Variants in RFX1 observed in about 807,000 individuals in gnomAD.
RFX1 encodes MHC class II regulatory factor RFX1.
RFX1 carries 42 observed loss-of-function variants against 119.6 expected under a neutral mutation model. That is an observed-to-expected ratio of 0.35 (90% CI 0.27 to 0.45). RFX1 has a LOEUF of 0.45. Ranked by LOEUF, RFX1 falls within the 20% of genes least tolerant of loss-of-function variation. The probability of loss-of-function intolerance (pLI) is 1.00; values close to 1 mark genes in which losing one functional copy is unlikely to be tolerated. For missense variants in RFX1, 1,118 were observed against 1,368.1 expected, an observed-to-expected ratio of 0.82 and a Z score of 2.88; for synonymous variants, 628 against 618.5, an observed-to-expected ratio of 1.02 and a Z score of -0.23.
rs1359057551 is a variant in RFX1, at chr19:13,968,580, A to T, written c.1717T>A (p.Tyr573Asn). ...GAGCTCTCACCCAAAAATTGCTGGTACTGCTGCACCTGGGCGCTGATGTCC... is the reference window on the plus strand; with the variant it reads ...GAGCTCTCACCCAAAAATTGCTGGTTCTGCTGCACCTGGGCGCTGATGTCC... ...LSDISAQVQQ[Y>N]QQFLDASRSL... The change falls in exon 12 of 21, where the codon TAC (tyrosine) becomes AAC (asparagine). Residue 573 changes from tyrosine to asparagine, a missense_variant. Physicochemically the swap from Tyr to Asn is moderately radical, Grantham distance 143. This residue lies in a region of RFX1 where 338 missense variants were observed against 508.9 expected (regional missense o/e 0.66). Transcript: ENST00000254325. This position sits in a 1 kb window ranked among gnomAD's most constrained non-coding sequence, Gnocchi z 5.5. 2 of 1,613,180 alleles carry T rather than the reference A, an allele frequency of 1.2e-6. No individual in the cohort carries two copies. Among genetic ancestry groups the T allele is most frequent in the African/African-American group, 2.7e-5 (2 of 74,936 alleles).
chr19:13,979,370 C>T, intron 7 of RFX1, 77 bp downstream of exon 7: 1 of 951,084 alleles, frequency 1.1e-6, no homozygotes. Context: ...CTCCCTGCGG[C>T]CTCAGGGGCC....
Position 13,993,815 on chromosome 19 carries a change from T to G in RFX1, c.29A>C (p.Gln10Pro). Residue 10 changes from glutamine (Q) to proline (P), a missense_variant, in exon 2 of 21, where the codon CAG (glutamine) becomes CCG (proline). This residue lies in a region of RFX1 where 542 missense variants were observed against 602.7 expected (regional missense o/e 0.90). Transcript: ENST00000254325. Reference protein sequence around the residue: MATQAYTELQAAPPPSQPPQ... With the variant: MATQAYTELPAAPPPSQPPQ... Reference sequence around the variant, plus strand: ...CGGCTGGGATGGTGGCGGGGCTGCCTGTAGCTCAGTATACGCCTGTGTTGC... The same window carrying G: ...CGGCTGGGATGGTGGCGGGGCTGCCGGTAGCTCAGTATACGCCTGTGTTGC... The G allele has an allele frequency of 6.3e-7, 1 of 1,599,338 alleles. No individual in the cohort carries two copies. Among genetic ancestry groups the G allele is most frequent in the African/African-American group, 1.4e-5 (1 of 73,186 alleles).
rs36065115 is a variant in RFX1 at position 13,989,551 on chromosome 19, GAGAC to G, written c.319+3970_319+3973del. ...CACCCAGCTTAGAGAGAGAGAGAGAGAGACAGACAGACAGACAGACAGACAGACA... is the reference window on the plus strand; with the variant it reads ...CACCCAGCTTAGAGAGAGAGAGAGAGAGACAGACAGACAGACAGACAGACA... On this transcript the variant is annotated intron_variant, in intron 2 of 20. Coordinates refer to ENST00000254325, the MANE Select transcript of RFX1 (RefSeq NM_002918.5). 9.3e-3 allele frequency among the ~76,000 whole-genome samples: 1,357 copies of G among 145,386 alleles called. 16 individuals carry two copies. The highest frequency in any genetic ancestry group is 0.029 in the African/African-American group (1,048 of 35,718).
intron 2 of RFX1, among the ~76,000 whole-genome samples, chr19:13,983,848 A>C (rs1974515980): frequency 6.6e-6 from 1 of 152,190 alleles, no homozygotes; most frequent in Admixed American, 6.5e-5. Context: ...CTCATCCTGA[A>C]GTCAGACCAG....
intron 8 of RFX1, among the ~76,000 whole-genome samples, chr19:13,973,391 C>T (rs965605752): frequency 1.2e-4 from 18 of 152,166 alleles, no homozygotes; most frequent in Admixed American, 2.0e-4. Flanking sequence ...GCAGGAGGAT[C>T]GTTGAAGGCC....
Position 13,966,565 on chromosome 19 carries a change from G to A in RFX1, c.1852-35C>T, listed in dbSNP as rs753583046. The A allele has an allele frequency of 6.5e-7, 1 of 1,531,770 alleles. No homozygotes were observed. Among genetic ancestry groups the A allele is most frequent in the African/African-American group, 1.4e-5 (1 of 72,788 alleles). The allele number at this position is 1,531,770 out of a possible 1,614,324, so 94.9% of individuals were successfully genotyped here. ...AGGCGGATGCTCAGGGAGGCTGGGG[G>A]GCAGCATGGCCCTCCCATGCCCGTG... is the stretch of plus-strand genomic sequence containing the variant. On this transcript the variant is annotated intron_variant, in intron 13 of 20. Transcript: ENST00000254325. This position sits in a 1 kb window ranked among gnomAD's most constrained non-coding sequence, Gnocchi z 6.3.
Position 13,993,876 on chromosome 19 carries a change from C to CTTT in RFX1, c.-36_-34dup. 4.8e-6 allele frequency: 6 copies of CTTT among 1,251,356 alleles called. No individual in the cohort carries two copies. The highest frequency in any genetic ancestry group is 6.4e-6 in the Non-Finnish European group (6 of 932,554). 77.5% of individuals were successfully genotyped at this position (1,251,356 alleles called of 1,614,324 possible). The stretch of plus-strand genomic sequence containing the variant: ...GTGGGGAAAATGATAATAAATAAGG[C>CTTT]TTTTTTTTTTTTTTAATTCCTTGGG... On this transcript the variant is annotated 5_prime_UTR_variant, in exon 2 of 21. Coordinates refer to ENST00000254325, the MANE Select transcript of RFX1 (RefSeq NM_002918.5).
chr19:13,966,600 C>G lies in RFX1; in HGVS notation c.1851+33G>C. 6.4e-7 allele frequency: 1 copy of G among 1,552,718 alleles called. No individual in the cohort carries two copies. Among genetic ancestry groups the G allele is most frequent in the Non-Finnish European group, 8.8e-7 (1 of 1,140,080 alleles). On this transcript the variant is annotated intron_variant, in intron 13 of 20. Coordinates refer to ENST00000254325, the MANE Select transcript of RFX1 (RefSeq NM_002918.5). The surrounding 1 kb of genome is among the most constrained non-coding windows in gnomAD (Gnocchi z 6.3). ...CCCTCCCATGCCCGTGGCTGCGTCC[C>G]CGTCCACTTGCCTGCCCACCTGGCC...
chr19:13,987,822 C>G (rs959988217), intron 2 of RFX1, among the ~76,000 whole-genome samples: 5 of 152,170 alleles, frequency 3.3e-5, no homozygotes, highest in African/African-American at 1.2e-4. Flanking sequence ...ACCGCCTGAC[C>G]AAAGTGAGCC....
At position 13,963,335 on chromosome 19, in the gene RFX1, C is replaced by T. The variant is rs539077393; in HGVS notation, c.2571-60G>A. 4.2e-5 allele frequency: 65 copies of T among 1,544,274 alleles called. No homozygotes were observed. The South Asian group carries it at 4.7e-4, about 11-fold the overall frequency. ...CCGTCCGGCCCGACCCCCTCTCCCC[C>T]TCCCCGCTGCGATGCGCCCGGGCCT... On this transcript the variant is annotated intron_variant, in intron 18 of 20. Transcript: ENST00000254325.
At chr19:14,005,149 A>G (rs1255305536) in intron 1 of RFX1, among the ~76,000 whole-genome samples, 1 of 152,206 alleles carries the variant, frequency 6.6e-6, no homozygotes, top group Non-Finnish European at 1.5e-5. Context: ...TCCAGGAACA[A>G]ACCCCCGCAA....
Position 13,993,876 on chromosome 19 carries a change from CTTTT to C in RFX1, c.-37_-34del. The C allele has an allele frequency of 8.0e-6, 10 of 1,251,312 alleles. No individual in the cohort carries two copies. Among genetic ancestry groups the C allele is most frequent in the African/African-American group, 1.7e-5 (1 of 58,596 alleles). The allele number at this position is 1,251,312 out of a possible 1,614,324, so 77.5% of individuals were successfully genotyped here. ...GTGGGGAAAATGATAATAAATAAGG[CTTTT>C]TTTTTTTTTTAATTCCTTGGGAAGA... is the stretch of plus-strand genomic sequence containing the variant. On this transcript the variant is annotated 5_prime_UTR_variant, in exon 2 of 21. Coordinates refer to ENST00000254325, the MANE Select transcript of RFX1 (RefSeq NM_002918.5).
At position 13,962,733 on chromosome 19, in the gene RFX1, C is replaced by A. The variant is rs1196956794; in HGVS notation, c.2902G>T (p.Ala968Ser). 6.5e-7 allele frequency: 1 copy of A among 1,530,478 alleles called. No homozygotes were observed. Among genetic ancestry groups the A allele is most frequent in the Non-Finnish European group, 8.7e-7 (1 of 1,143,936 alleles). 94.8% of individuals were successfully genotyped at this position (1,530,478 alleles called of 1,614,324 possible). A position where few individuals can be genotyped will look rare whatever the true frequency, so the allele number is the denominator to read the frequency against. ...EPPAKLARTD[A>S]RGLFVQALPS... The stretch of plus-strand genomic sequence containing the variant: ...AGCGCCTGCACGAAGAGGCCGCGCG[C>A]GTCAGTCCGCGCCAGCTTGGCCGGC... Residue 968 changes from alanine to serine, a missense_variant, in exon 21 of 21, where the codon GCG (alanine) becomes TCG (serine). Coordinates refer to ENST00000254325, the MANE Select transcript of RFX1 (RefSeq NM_002918.5).
At chr19:13,975,474 G>A (rs559246513) in intron 8 of RFX1, among the ~76,000 whole-genome samples, 1 of 152,232 alleles carries the variant, frequency 6.6e-6, no homozygotes, top group South Asian at 2.1e-4. Flanking sequence ...CCGAGTGGTT[G>A]TGGGTGAACA....
intron 9 of RFX1, among the ~76,000 whole-genome samples, chr19:13,972,389 TCA>T (rs1300150262): frequency 2.0e-5 from 3 of 152,108 alleles, no homozygotes; most frequent in African/African-American, 7.2e-5. Flanking sequence ...AGATGGAGTT[TCA>T]CCATGTTGGT....
At position 13,980,621 on chromosome 19, in the gene RFX1, C is replaced by A; in HGVS notation, c.690G>T (p.Gln230His). The A allele has an allele frequency of 6.3e-7, 1 of 1,583,282 alleles. No homozygotes were observed. Residue 230 changes from glutamine to histidine, a missense_variant, in exon 6 of 21, where the codon CAG becomes CAT. This residue lies in a region of RFX1 where 542 missense variants were observed against 602.7 expected (regional missense o/e 0.90). Coordinates refer to ENST00000254325, the MANE Select transcript of RFX1 (RefSeq NM_002918.5). This position sits in a 1 kb window ranked among gnomAD's most constrained non-coding sequence, Gnocchi z 5.1. ...TAGAPTGTVPQQLQVHGVQQS... is the reference protein window; with the variant it reads ...TAGAPTGTVPHQLQVHGVQQS... Reference sequence around the variant, plus strand: ...GCTGGACGCCGTGGACCTGCAGCTGCTGTGGCACTGTGCCCGTGGGGGCCC... The same window carrying A: ...GCTGGACGCCGTGGACCTGCAGCTGATGTGGCACTGTGCCCGTGGGGGCCC...
intron 17 of RFX1, 51 bp downstream of exon 17, chr19:13,963,807 G>A (rs1430363346): frequency 4.7e-6 from 7 of 1,479,626 alleles, no homozygotes; most frequent in African/African-American, 1.4e-5. Flanking sequence ...CGCCTGGCCC[G>A]CCCCGTTAGG....
intron 9 of RFX1, 47 bp downstream of exon 9, chr19:13,972,696 C>G: frequency 4.1e-6 from 6 of 1,471,498 alleles, no homozygotes; most frequent in Non-Finnish European, 4.6e-6. Flanking sequence ...TAGTGCCCAC[C>G]ACCCACCACT....
chr19:13,982,816 G>A (rs73924094), intron 4 of RFX1, among the ~76,000 whole-genome samples: 140 of 152,290 alleles, frequency 9.2e-4, no homozygotes, highest in African/African-American at 3.2e-3. Context: ...AGTCGGAAAC[G>A]GGTGTGCGCG....
Sources: gnomAD v4.1 joint callset for allele counts (sites outside exome capture counted in the v4.1 genomes callset) on GRCh38, gnomAD v4.1.1 for gene constraint, gnomAD v4.1.1 regional missense constraint, Gnocchi (gnomAD v3.1) non-coding constraint, MANE v1.5 for transcripts, NCBI Gene and HGNC (gene_info 2026-07-23, HGNC 2026-07-21) for gene names.